The following HIVEP2 variants were observed in gnomAD, a reference collection of about 807,000 sequenced individuals.
HIVEP2 encodes HIVEP zinc finger 2, also known as transcription factor HIVEP2.
Under a neutral mutation model 180.7 loss-of-function variants are expected in HIVEP2, and 14 were observed. The observed-to-expected ratio is 0.08, with a 90% confidence interval of 0.05 to 0.12. The LOEUF is 0.12. Ranked by LOEUF, HIVEP2 falls within the 10% of genes least tolerant of loss-of-function variation. The probability of loss-of-function intolerance (pLI) is 1.00; values close to 1 mark genes in which losing one functional copy is unlikely to be tolerated. For missense variants in HIVEP2, 2,579 were observed against 3,008.5 expected (o/e 0.86, Z 3.34); for synonymous variants, 1,184 against 1,136.4 (o/e 1.04, Z -0.84).
chr6:142,863,068 T>C (rs1562269869), intron 1 of HIVEP2, among the ~76,000 whole-genome samples: 1 of 143,668 alleles, frequency 7.0e-6, no homozygotes, highest in Non-Finnish European at 1.5e-5. Flanking sequence ...ATGTAATATA[T>C]GTAATTATAT....
At chr6:142,833,433 A>G (rs957284435) in intron 2 of HIVEP2, among the ~76,000 whole-genome samples, 1 of 152,212 alleles carries the variant, frequency 6.6e-6, no homozygotes, top group East Asian at 1.9e-4. Flanking sequence ...CTATACTGCA[A>G]ACTGAAGGAG....
intron 1 of HIVEP2, among the ~76,000 whole-genome samples, chr6:142,889,787 T>C (rs1776808907): frequency 6.6e-6 from 1 of 152,246 alleles, no homozygotes; most frequent in African/African-American, 2.4e-5. Context: ...GACATCAAAA[T>C]GACCTATTTT....
intron 1 of HIVEP2, among the ~76,000 whole-genome samples, chr6:142,865,204 C>A (rs1776108366): frequency 6.6e-6 from 1 of 152,234 alleles, no homozygotes; most frequent in African/African-American, 2.4e-5. Context: ...CATTTTTATA[C>A]TCCAAAAGAG....
chr6:142,809,180 T>G (rs1053915652), intron 2 of HIVEP2, among the ~76,000 whole-genome samples: 6 of 151,924 alleles, frequency 3.9e-5, no homozygotes, highest in African/African-American at 1.5e-4. Flanking sequence ...TGGACCTACG[T>G]CAGCTTTAAC....
chr6:142,796,427 T>G (rs1776280148), intron 2 of HIVEP2, among the ~76,000 whole-genome samples: 1 of 152,158 alleles, frequency 6.6e-6, no homozygotes, highest in Admixed American at 6.6e-5. Flanking sequence ...TTTTGTATGT[T>G]GTCTGTATTA....
Position 142,764,866 on chromosome 6 carries a change from G to A in HIVEP2, c.5451C>T (p.His1817=), listed in dbSNP as rs760759241. The change falls in exon 7 of 10, where the codon CAC becomes CAT. Residue 1817 remains histidine, a synonymous_variant. Transcript: ENST00000367603. ...RCKKPSMLKK[H]IRTHTDVRPY... is the part of the protein sequence containing the mutation. ...GCCGAACATCAGTATGGGTACGGAT[G>A]TGTTTTTTGAGCATGCTTGGCTTCT... is the stretch of plus-strand genomic sequence containing the variant. 1.1e-4 allele frequency: 175 copies of A among 1,613,862 alleles called. No homozygotes were observed. Among genetic ancestry groups the A allele is most frequent in the Non-Finnish European group, 3.4e-6 (4 of 1,179,896 alleles).
chr6:142,807,635 G>C (rs1776586611), intron 2 of HIVEP2, among the ~76,000 whole-genome samples: 1 of 152,150 alleles, frequency 6.6e-6, no homozygotes, highest in African/African-American at 2.4e-5. Flanking sequence ...AATATCTTCA[G>C]TGTGTACATG....
intron 1 of HIVEP2, among the ~76,000 whole-genome samples, chr6:142,921,721 T>C (rs1035125153): frequency 6.6e-6 from 1 of 152,210 alleles, no homozygotes; most frequent in Non-Finnish European, 1.5e-5. Context: ...CTCAAACCAG[T>C]AGTTAATCCT....
chr6:142,927,340 A>G (rs1445628026), intron 1 of HIVEP2, among the ~76,000 whole-genome samples: 2 of 152,146 alleles, frequency 1.3e-5, no homozygotes, highest in African/African-American at 4.8e-5. Context: ...CACTAGGATT[A>G]TTTCCAAGTC....
intron 1 of HIVEP2, among the ~76,000 whole-genome samples, chr6:142,911,924 G>T (rs1436647921): frequency 1.3e-5 from 2 of 152,140 alleles, no homozygotes; most frequent in Non-Finnish European, 1.5e-5. Flanking sequence ...AGTGTCTAAT[G>T]GATGTTTCAG....
intron 1 of HIVEP2, among the ~76,000 whole-genome samples, chr6:142,846,374 G>A (rs1392652920): frequency 2.6e-5 from 4 of 152,114 alleles, no homozygotes; most frequent in Admixed American, 6.6e-5. Context: ...GGTCCTTCCC[G>A]GCCAGCGGCC....
chr6:142,891,159 T>G (rs1053053799), intron 1 of HIVEP2, among the ~76,000 whole-genome samples: 1 of 152,206 alleles, frequency 6.6e-6, no homozygotes, highest in African/African-American at 2.4e-5. Context: ...AACTCCAAGA[T>G]AGGTTGAGGA....
intron 2 of HIVEP2, among the ~76,000 whole-genome samples, chr6:142,806,872 AACT>A (rs1460706445): frequency 5.0e-4 from 76 of 152,308 alleles, no homozygotes; most frequent in African/African-American, 1.7e-3. Flanking sequence ...GTGGTTAAGT[AACT>A]GTCCAGGATC....
chr6:142,836,527 C>T (rs572192228), intron 2 of HIVEP2, among the ~76,000 whole-genome samples: 9 of 152,152 alleles, frequency 5.9e-5, no homozygotes, highest in Non-Finnish European at 1.0e-4. Flanking sequence ...GTTTAAAATA[C>T]AGAAAGATGC....
At position 142,784,136 on chromosome 6, in the gene HIVEP2, T is replaced by C. The variant is rs62430682; in HGVS notation, c.-527-521A>G. ...AGTAAGTAATGAAGAAAGGAACTTT[T>C]CATATATGGAATTAATATTTATTCA... On this transcript the variant is annotated intron_variant, in intron 2 of 9. Coordinates refer to ENST00000367603, the MANE Select transcript of HIVEP2 (RefSeq NM_006734.4). 1.5e-3 allele frequency among the ~76,000 whole-genome samples: 228 copies of C among 152,312 alleles called. 1 individual carries two copies. Among genetic ancestry groups the C allele is most frequent in the Admixed American group, 4.4e-3 (67 of 15,298 alleles).
intron 2 of HIVEP2, among the ~76,000 whole-genome samples, chr6:142,809,270 C>T (rs961646801): frequency 2.0e-5 from 3 of 152,120 alleles, no homozygotes; most frequent in Non-Finnish European, 4.4e-5. Flanking sequence ...CTTACTCCTC[C>T]TTCAGGCCTC....
chr6:142,904,533 T>C (rs1389196198), intron 1 of HIVEP2, among the ~76,000 whole-genome samples: 3 of 152,098 alleles, frequency 2.0e-5, no homozygotes, highest in African/African-American at 7.2e-5. Flanking sequence ...CCAAGCACTA[T>C]TGCACACACA....
chr6:142,857,098 C>T (rs1295393124), intron 1 of HIVEP2, among the ~76,000 whole-genome samples: 1 of 152,122 alleles, frequency 6.6e-6, no homozygotes, highest in Non-Finnish European at 1.5e-5. Context: ...AACAACATCT[C>T]TGTAACCCCA....
intron 1 of HIVEP2, among the ~76,000 whole-genome samples, chr6:142,877,057 A>C (rs902858785): frequency 6.6e-6 from 1 of 152,234 alleles, no homozygotes; most frequent in Admixed American, 6.5e-5. Context: ...TCAAATAAAA[A>C]CATTAAAGTA....
Sources: gnomAD v4.1 joint callset for allele counts (sites outside exome capture counted in the v4.1 genomes callset) on GRCh38, gnomAD v4.1.1 for gene constraint, MANE v1.5 for transcripts, NCBI Gene and HGNC (gene_info 2026-07-23, HGNC 2026-07-21) for gene names.